Variants in LTBP1 observed in about 807,000 individuals in gnomAD.
The protein encoded by LTBP1 is latent-transforming growth factor beta-binding protein 1.
LTBP1 carries 129 observed loss-of-function variants against 207.6 expected under a neutral mutation model. That is an observed-to-expected ratio of 0.62 (90% CI 0.54 to 0.72). LTBP1 has a LOEUF of 0.72. Among genes scored for constraint, LTBP1 ranks in the 30% least tolerant of loss-of-function variants. The pLI, the probability that LTBP1 is intolerant of heterozygous loss-of-function variation, is 0.00. For missense variants in LTBP1, 2,281 were observed against 2,217.2 expected, an observed-to-expected ratio of 1.03 and a Z score of -0.58; for synonymous variants, 963 against 833.7, an observed-to-expected ratio of 1.16 and a Z score of -2.67.
Position 33,188,935 on chromosome 2 carries a change from G to C in LTBP1, c.1701+84G>C, listed in dbSNP as rs968138618. The C allele has an allele frequency of 4.9e-5, 72 of 1,467,850 alleles. No homozygotes were observed. In the Middle Eastern group the frequency reaches 6.2e-4, roughly 13 times the overall value. The allele number at this position is 1,467,850 out of a possible 1,614,324, so 90.9% of individuals were successfully genotyped here. ...CAAGAAAGCCAGACTTGATAAAAATGCTTTTTTAAAAAAAAGGCTTTGACA... is the reference window on the plus strand; with the variant it reads ...CAAGAAAGCCAGACTTGATAAAAATCCTTTTTTAAAAAAAAGGCTTTGACA... On this transcript the variant is annotated intron_variant, in intron 7 of 33. Transcript: ENST00000404816.
At chr2:33,278,467 G>A (rs2093492263) in intron 18 of LTBP1, among the ~76,000 whole-genome samples, 1 of 152,172 alleles carries the variant, frequency 6.6e-6, no homozygotes, top group South Asian at 2.1e-4. Flanking sequence ...TGTCACTAAC[G>A]AAGTTGCTTT....
In LTBP1 at chr2:33,134,441, C is replaced by G. The variant is rs531198025; in HGVS notation, c.1034-352C>G. Reference sequence around the variant, plus strand: ...CATTACATCTGCCTGTCAGGGTTGGCTCTTTAATCTGTCGTGCCCTCGGTA... The same window carrying G: ...CATTACATCTGCCTGTCAGGGTTGGGTCTTTAATCTGTCGTGCCCTCGGTA... On this transcript the variant is annotated intron_variant, in intron 4 of 33. Transcript: ENST00000404816. This position sits in a 1 kb window ranked among gnomAD's most constrained non-coding sequence, Gnocchi z 4.4. 3.8e-5 allele frequency: 29 copies of G among 760,896 alleles called. No individual in the cohort carries two copies. The African/African-American group carries it at 4.9e-4, about 13-fold the overall frequency. 47.1% of individuals were successfully genotyped at this position (760,896 alleles called of 1,614,324 possible).
intron 19 of LTBP1, among the ~76,000 whole-genome samples, chr2:33,282,674 C>T (rs1358714531): frequency 6.6e-6 from 1 of 152,142 alleles, no homozygotes. Context: ...TTGAGTTGAG[C>T]TCATCACTAA....
At chr2:33,156,858 A>C (rs1201778824) in intron 5 of LTBP1, among the ~76,000 whole-genome samples, 1 of 152,226 alleles carries the variant, frequency 6.6e-6, no homozygotes, top group Non-Finnish European at 1.5e-5. Context: ...TCATTTAGCT[A>C]TAATTTCAAG....
intron 3 of LTBP1, among the ~76,000 whole-genome samples, chr2:33,089,323 C>A (rs948501157): frequency 6.6e-6 from 1 of 152,064 alleles, no homozygotes; most frequent in African/African-American, 2.4e-5. Context: ...ATTTATTTTC[C>A]GTTCTCATTA....
At chr2:33,077,717 A>T (rs2078162884) in intron 3 of LTBP1, among the ~76,000 whole-genome samples, 1 of 152,196 alleles carries the variant, frequency 6.6e-6, no homozygotes, top group Admixed American at 6.5e-5. Context: ...ACAGATCCAA[A>T]CCGTATCAAA....
chr2:32,973,278 T>A (rs1681197898), intron 2 of LTBP1, among the ~76,000 whole-genome samples: 1 of 152,208 alleles, frequency 6.6e-6, no homozygotes, highest in South Asian at 2.1e-4. Context: ...TATCTAAGTC[T>A]CTTTGTAGGT....
At chr2:33,162,547 C>T (rs1377360772) in intron 5 of LTBP1, among the ~76,000 whole-genome samples, 3 of 152,226 alleles carry the variant, frequency 2.0e-5, no homozygotes, top group African/African-American at 7.2e-5. Context: ...GTTGATTACA[C>T]ATATCCTTGA....
At chr2:32,965,369 C>T (rs973897302) in intron 2 of LTBP1, among the ~76,000 whole-genome samples, 1 of 152,148 alleles carries the variant, frequency 6.6e-6, no homozygotes, top group African/African-American at 2.4e-5. Flanking sequence ...TTAGGGTTCA[C>T]TCTTGGTGTT....
chr2:33,344,686 G>A (rs964902619), intron 25 of LTBP1, among the ~76,000 whole-genome samples: 3 of 152,078 alleles, frequency 2.0e-5, no homozygotes, highest in Non-Finnish European at 4.4e-5. Context: ...CAACCTTTGG[G>A]GGAATAATTT....
chr2:32,983,162 G>T (rs540557831), intron 2 of LTBP1, among the ~76,000 whole-genome samples: 15 of 150,160 alleles, frequency 1.0e-4, no homozygotes, highest in African/African-American at 3.4e-4. Flanking sequence ...GTATCAGTGT[G>T]ACCTGGATGT....
At chr2:33,186,544 G>A (rs1398809789) in intron 5 of LTBP1, among the ~76,000 whole-genome samples, 1 of 152,074 alleles carries the variant, frequency 6.6e-6, no homozygotes, top group African/African-American at 2.4e-5. Context: ...AAAATGGCAT[G>A]GTGGTAGACA....
rs1351593707 is a variant in LTBP1 at position 33,257,273 on chromosome 2, C to T, written c.2168-11C>T. 4 of 1,605,206 alleles carry T rather than the reference C, an allele frequency of 2.5e-6. No homozygotes were observed. The South Asian group carries it at 4.4e-5, about 18-fold the overall frequency. ...ATTTTTAAAAGGAATATTTTCCCAT[C>T]CCAAATCTAGCTGCTTTTAAGGAAA... On this transcript the variant is annotated splice_polypyrimidine_tract_variant and intron_variant, in intron 11 of 33. Coordinates refer to ENST00000404816, the MANE Select transcript of LTBP1 (RefSeq NM_206943.4).
chr2:33,397,294 G>T lies in LTBP1; in HGVS notation c.4984+12G>T, dbSNP rs182345909. 2 of 1,613,740 alleles carry T rather than the reference G, an allele frequency of 1.2e-6. No homozygotes were observed. Among genetic ancestry groups the T allele is most frequent in the East Asian group, 2.2e-5 (1 of 44,856 alleles). ...GATGACCTGTGTCGGTAAGAATGAC[G>T]TGTGTTTTATGGGACATTAATTTTT... On this transcript the variant is annotated intron_variant, in intron 33 of 33. Coordinates refer to ENST00000404816, the MANE Select transcript of LTBP1 (RefSeq NM_206943.4).
intron 5 of LTBP1, among the ~76,000 whole-genome samples, chr2:33,153,550 C>G (rs1278952483): frequency 6.6e-6 from 1 of 152,146 alleles, no homozygotes; most frequent in Non-Finnish European, 1.5e-5. Context: ...ACAAATGGAT[C>G]ATTCACATTA....
chr2:33,118,037 A>C (rs890179100), intron 4 of LTBP1, among the ~76,000 whole-genome samples: 1 of 152,136 alleles, frequency 6.6e-6, no homozygotes, highest in African/African-American at 2.4e-5. Context: ...CTCCTCTGAG[A>C]CATCCTCGCT....
At chr2:32,950,018 C>G (rs747214833) in intron 2 of LTBP1, among the ~76,000 whole-genome samples, 3 of 152,182 alleles carry the variant, frequency 2.0e-5, no homozygotes, top group Non-Finnish European at 4.4e-5. Context: ...CAGAAATGCT[C>G]AGGGTTCTAG....
chr2:33,103,544 A>G (rs1260063404), intron 3 of LTBP1, among the ~76,000 whole-genome samples: 1 of 151,368 alleles, frequency 6.6e-6, no homozygotes, highest in Non-Finnish European at 1.5e-5. Flanking sequence ...AGGTAATTCC[A>G]TATGGATGGG....
intron 5 of LTBP1, among the ~76,000 whole-genome samples, chr2:33,141,684 A>T (rs1328941247): frequency 6.6e-6 from 1 of 152,126 alleles, no homozygotes; most frequent in Non-Finnish European, 1.5e-5. Flanking sequence ...TGGAGCAGGG[A>T]CCTGATGAAG....
Sources: allele counts gnomAD v4.1 joint callset (sites outside exome capture counted in the v4.1 genomes callset), GRCh38; gene constraint gnomAD v4.1.1; non-coding constraint Gnocchi (gnomAD v3.1); transcripts MANE v1.5; gene names NCBI Gene and HGNC (gene_info 2026-07-23, HGNC 2026-07-21).